Variants in MCUR1 observed in about 807,000 individuals in gnomAD.
MCUR1 encodes the protein mitochondrial calcium uniporter regulator 1, also known as MCU regulator 1.
In MCUR1, 37 loss-of-function variants were observed where a neutral mutation model predicts 42.0. That is an observed-to-expected ratio of 0.88 (90% confidence interval 0.68 to 1.16). The LOEUF (loss-of-function observed/expected upper bound fraction) is 1.16. MCUR1 is among the 50% of genes most tolerant of loss of function. The pLI is 0.00. For synonymous variants in MCUR1, 229 were observed against 196.2 expected (o/e 1.17, Z -1.40); for missense variants, 469 against 468.4 (o/e 1.00, Z -0.01).
intron 6 of MCUR1, 46 bp downstream of exon 6, chr6:13,798,787 C>T: frequency 6.7e-7 from 1 of 1,482,686 alleles, no homozygotes; most frequent in East Asian, 2.3e-5. Flanking sequence ...GCATTCCATT[C>T]CAAAAATAAA....
At position 13,801,276 on chromosome 6, in the gene MCUR1, G is replaced by T. The variant is rs761159850; in HGVS notation, c.741+12C>A. ...ATAATCAACTTTCTAAGTGTGAGAGGCTCTGTTTTACCTCATTTTCTGCTC... is the reference window on the plus strand; with the variant it reads ...ATAATCAACTTTCTAAGTGTGAGAGTCTCTGTTTTACCTCATTTTCTGCTC... On this transcript the variant is annotated intron_variant, in intron 4 of 8. Coordinates refer to ENST00000379170, the MANE Select transcript of MCUR1 (RefSeq NM_001031713.4). The T allele has an allele frequency of 2.0e-5, 31 of 1,542,660 alleles. 1 individual carries two copies. Among genetic ancestry groups the T allele is most frequent in the Non-Finnish European group, 2.5e-5 (28 of 1,117,398 alleles).
intron 4 of MCUR1, 53 bp from the exon 5 acceptor site, chr6:13,800,435 A>G: frequency 9.9e-7 from 1 of 1,010,582 alleles, no homozygotes; most frequent in Non-Finnish European, 1.5e-6. Context: ...AAACGTAGTA[A>G]CCAACAAATA....
chr6:13,804,070 C>T, intron 2 of MCUR1: 2 of 940,432 alleles, frequency 2.1e-6, no homozygotes, highest in South Asian at 4.6e-5. Flanking sequence ...CCTGTAATCC[C>T]AGCACTTTAG....
Position 13,789,606 on chromosome 6 carries a change from T to G in MCUR1, c.*1203A>C, listed in dbSNP as rs1759679018. ...GGGGATATTCATTAATGACATAAAT[T>G]TCATTTATGAAATATGTATCCATCA... is the stretch of plus-strand genomic sequence containing the variant. On this transcript the variant is annotated 3_prime_UTR_variant, in exon 9 of 9. Coordinates refer to ENST00000379170, the MANE Select transcript of MCUR1 (RefSeq NM_001031713.4). 1 of 152,186 alleles carries G rather than the reference T, an allele frequency of 6.6e-6. No individual in the cohort carries two copies. Among genetic ancestry groups the G allele is most frequent in the Non-Finnish European group, 1.5e-5 (1 of 68,048 alleles). The allele number at this position is 152,186 out of a possible 1,614,324, so 9.4% of individuals were successfully genotyped here.
Position 13,793,879 on chromosome 6 carries a change from A to G in MCUR1, c.909+15T>C. On this transcript the variant is annotated intron_variant, in intron 7 of 8. Coordinates refer to ENST00000379170, the MANE Select transcript of MCUR1 (RefSeq NM_001031713.4). ...GAGTACAAAGACAAAGAAAAATCAC[A>G]GTCTTGTTTCTTACCAATGCCACTA... The G allele has an allele frequency of 6.2e-7, 1 of 1,609,962 alleles. No individual in the cohort carries two copies. The highest frequency in any genetic ancestry group is 8.5e-7 in the Non-Finnish European group (1 of 1,176,952).
chr6:13,795,529 A>G (rs1452745211), intron 6 of MCUR1, among the ~76,000 whole-genome samples: 1 of 152,256 alleles, frequency 6.6e-6, no homozygotes, highest in African/African-American at 2.4e-5. Flanking sequence ...AACGAGAGCC[A>G]GAAAACTCAT....
In MCUR1 at chr6:13,791,948, G is replaced by T. The variant is rs569474241; in HGVS notation, c.954C>A (p.Ile318=). Residue 318 remains isoleucine, a synonymous_variant, in exon 8 of 9, where the codon ATC becomes ATA. Transcript: ENST00000379170. ...TTTTGAGGCCAGCAACCTCAGTTTCGATCTTCCTGTCTGTCTGGGTAAGGG... is the reference window on the plus strand; with the variant it reads ...TTTTGAGGCCAGCAACCTCAGTTTCTATCTTCCTGTCTGTCTGGGTAAGGG... ...DRALTQTDRK[I]ETEVAGLKTM... 1.2e-6 allele frequency: 2 copies of T among 1,613,914 alleles called. No homozygotes were observed. The highest frequency in any genetic ancestry group is 1.7e-5 in the Admixed American group (1 of 59,974).
In MCUR1 at chr6:13,814,392, C is replaced by G. The variant is rs765954709; in HGVS notation, c.38G>C (p.Arg13Pro). 1.3e-6 allele frequency: 2 copies of G among 1,535,324 alleles called. No homozygotes were observed. The highest frequency in any genetic ancestry group is 1.7e-6 in the Non-Finnish European group (2 of 1,151,364). ...CGSVGGQRTQ[R>P]LPGRQRLLFL... ...GAGAAGCCGCTGGCGGCCGGGCAGG[C>G]GCTGGGTCCTCTGGCCGCCGACCGA... The change falls in exon 1 of 9, where the codon CGC (arginine) becomes CCC (proline). Residue 13 changes from arginine (R) to proline (P), a missense_variant. Coordinates refer to ENST00000379170, the MANE Select transcript of MCUR1 (RefSeq NM_001031713.4).
intron 5 of MCUR1, among the ~76,000 whole-genome samples, chr6:13,799,690 A>C (rs902946171): frequency 6.6e-6 from 1 of 152,182 alleles, no homozygotes; most frequent in Admixed American, 6.5e-5. Context: ...AACATTAAAT[A>C]GCTGGCACAG....
At chr6:13,798,781 T>C (rs1008007572) in intron 6 of MCUR1, 52 bp downstream of exon 6, 2 of 1,425,574 alleles carry the variant, frequency 1.4e-6, no homozygotes, top group African/African-American at 2.8e-5. Flanking sequence ...AACCAAGCAT[T>C]CCATTCCAAA....
intron 5 of MCUR1, among the ~76,000 whole-genome samples, chr6:13,799,243 T>G (rs1401013865): frequency 6.6e-6 from 1 of 151,180 alleles, no homozygotes; most frequent in African/African-American, 2.4e-5. Flanking sequence ...TGGAGTGCAA[T>G]GGGGTGATCT....
chr6:13,812,488 C>A (rs1273545920), intron 1 of MCUR1, among the ~76,000 whole-genome samples: 1 of 152,180 alleles, frequency 6.6e-6, no homozygotes, highest in Non-Finnish European at 1.5e-5. Flanking sequence ...TATACTCTTG[C>A]ATTGAGAGAA....
rs1584993143 is a variant in MCUR1, at chr6:13,814,079, G to A, written c.351C>T (p.Ala117=). 1.6e-6 allele frequency: 2 copies of A among 1,238,434 alleles called. No homozygotes were observed. The highest frequency in any genetic ancestry group is 2.0e-6 in the Non-Finnish European group (2 of 993,292). 76.7% of individuals were successfully genotyped at this position (1,238,434 alleles called of 1,614,324 possible). ...ACTGGGGAAGGGCGCCGGCGGCAGC[G>A]GCGACGCCCGGTGAGCACCTCCACG... ...SSAWRCSPGV[A]AAAGALPQYH... The change falls in exon 1 of 9, where the codon GCC becomes GCT. Residue 117 remains alanine (A), a synonymous_variant. Transcript: ENST00000379170.
rs11482576 is a variant in MCUR1, at chr6:13,799,187, A to ATT, written c.784-285_784-284dup. ...CAGTCTAGAGTGGGTTGTTGCTGCCATTTTTTTTTTTTTTTTGAGATGGAG... is the reference window on the plus strand; with the variant it reads ...CAGTCTAGAGTGGGTTGTTGCTGCCATTTTTTTTTTTTTTTTTTGAGATGGAG... On this transcript the variant is annotated intron_variant, in intron 5 of 8. Coordinates refer to ENST00000379170, the MANE Select transcript of MCUR1 (RefSeq NM_001031713.4). 1.4e-3 allele frequency among the ~76,000 whole-genome samples: 198 copies of ATT among 139,826 alleles called. 3 individuals carry two copies. The South Asian group carries it at 0.037, about 26-fold the overall frequency. 91.7% of individuals were successfully genotyped at this position (139,826 alleles called of 152,430 possible).
intron 6 of MCUR1, among the ~76,000 whole-genome samples, chr6:13,796,049 G>A (rs1271863931): frequency 6.6e-6 from 1 of 152,164 alleles, no homozygotes; most frequent in Admixed American, 6.5e-5. Context: ...TGGAGATTAA[G>A]GTCAATATAG....
In MCUR1 at chr6:13,805,535, A is replaced by G. The variant is rs1035896790; in HGVS notation, c.535+1390T>C. Among the ~76,000 whole-genome samples, 4 of 152,248 alleles carry G rather than the reference A, an allele frequency of 2.6e-5. No homozygotes were observed. The South Asian group carries it at 6.2e-4, about 24-fold the overall frequency. ...ATGGGCAAATAAATGGAAACTGAGAAGGGGAAAAAAGCTTCCTAAGCTAGG... is the reference window on the plus strand; with the variant it reads ...ATGGGCAAATAAATGGAAACTGAGAGGGGGAAAAAAGCTTCCTAAGCTAGG... On this transcript the variant is annotated intron_variant, in intron 2 of 8. Coordinates refer to ENST00000379170, the MANE Select transcript of MCUR1 (RefSeq NM_001031713.4).
intron 1 of MCUR1, among the ~76,000 whole-genome samples, chr6:13,813,814 C>T (rs1760292664): frequency 6.6e-6 from 1 of 152,218 alleles, no homozygotes; most frequent in Non-Finnish European, 1.5e-5. Flanking sequence ...GAATTCGTCT[C>T]TTCTGGGCTA....
rs961060297 is a variant in MCUR1 at position 13,790,710 on chromosome 6, C to T, written c.*99G>A. The T allele has an allele frequency of 4.8e-5, 42 of 876,192 alleles. No individual in the cohort carries two copies. The highest frequency in any genetic ancestry group is 6.8e-5 in the Non-Finnish European group (38 of 555,046). The allele number at this position is 876,192 out of a possible 1,614,324, so 54.3% of individuals were successfully genotyped here. ...TCAGGTAATCCACCTGCCTCAGCCT[C>T]CCAAAGTGCTGGAATTACAGGTGTG... is the stretch of plus-strand genomic sequence containing the variant. On this transcript the variant is annotated 3_prime_UTR_variant, in exon 9 of 9. Transcript: ENST00000379170.
intron 5 of MCUR1, among the ~76,000 whole-genome samples, chr6:13,799,285 A>C (rs1759934114): frequency 6.6e-6 from 1 of 151,984 alleles, no homozygotes. Context: ...CCTGCGTTCA[A>C]GCAATTCTCC....
Sources: allele counts gnomAD v4.1 joint callset (sites outside exome capture counted in the v4.1 genomes callset), GRCh38; gene constraint gnomAD v4.1.1; transcripts MANE v1.5; gene names NCBI Gene and HGNC (gene_info 2026-07-23, HGNC 2026-07-21).